ASTN2: variants seen among roughly 807,000 people sequenced by gnomAD.
The protein encoded by ASTN2 is astrotactin 2.
ASTN2 carries 54 observed loss-of-function variants against 139.8 expected under a neutral mutation model. The observed-to-expected ratio is 0.39, with a 90% CI of 0.31 to 0.48. The LOEUF (loss-of-function observed/expected upper bound fraction) is 0.48. Ranked by LOEUF, ASTN2 falls within the 20% of genes least tolerant of loss-of-function variation. ASTN2 has a pLI of 0.95. For missense variants in ASTN2, 1,565 were observed against 1,725.1 expected, an observed-to-expected ratio of 0.91 and a Z score of 1.64; for synonymous variants, 756 against 719.5, an observed-to-expected ratio of 1.05 and a Z score of -0.81.
intron 5 of ASTN2, among the ~76,000 whole-genome samples, chr9:117,079,023 A>G: frequency 6.6e-6 from 1 of 152,186 alleles, no homozygotes; most frequent in African/African-American, 2.4e-5. Flanking sequence ...GGCTTGAGCC[A>G]CTGCACCCGG....
At chr9:116,449,343 C>A (rs1438646466) in intron 20 of ASTN2, among the ~76,000 whole-genome samples, 1 of 152,120 alleles carries the variant, frequency 6.6e-6, no homozygotes, top group East Asian at 1.9e-4. Flanking sequence ...GAGATCAAGG[C>A]TACAGTGAGC....
chr9:117,176,857 T>C (rs1456514241), intron 3 of ASTN2, among the ~76,000 whole-genome samples: 1 of 152,176 alleles, frequency 6.6e-6, no homozygotes, highest in Non-Finnish European at 1.5e-5. Flanking sequence ...CTTGAGCCTA[T>C]GAGTTGCAGT....
chr9:116,897,526 T>G (rs915259531), intron 10 of ASTN2, among the ~76,000 whole-genome samples: 1 of 152,220 alleles, frequency 6.6e-6, no homozygotes, highest in African/African-American at 2.4e-5. Flanking sequence ...AAGATGTACA[T>G]GCACTAAGTG....
intron 4 of ASTN2, among the ~76,000 whole-genome samples, chr9:117,104,348 A>G (rs1006994433): frequency 5.3e-5 from 8 of 152,188 alleles, no homozygotes; most frequent in Non-Finnish European, 1.0e-4. Context: ...AATTATAGAC[A>G]TACAAACCTC....
At chr9:116,804,596 A>G (rs1252093609) in intron 13 of ASTN2, among the ~76,000 whole-genome samples, 1 of 152,180 alleles carries the variant, frequency 6.6e-6, no homozygotes, top group Non-Finnish European at 1.5e-5. Context: ...TATTGTTAGT[A>G]GTTAGTAGTA....
At chr9:116,770,666 T>C (rs563890286) in intron 13 of ASTN2, among the ~76,000 whole-genome samples, 2 of 152,326 alleles carry the variant, frequency 1.3e-5, no homozygotes, top group Admixed American at 1.3e-4. Flanking sequence ...CACCTTCTTA[T>C]GGAAGCTTCT....
At chr9:116,564,953 G>C (rs1444997848) in intron 19 of ASTN2, among the ~76,000 whole-genome samples, 1 of 151,974 alleles carries the variant, frequency 6.6e-6, no homozygotes, top group Non-Finnish European at 1.5e-5. Context: ...ACTCCTCTAA[G>C]CATCATTGTC....
At chr9:116,571,876 C>T (rs1419905647) in intron 19 of ASTN2, among the ~76,000 whole-genome samples, 1 of 151,930 alleles carries the variant, frequency 6.6e-6, no homozygotes, top group African/African-American at 2.4e-5. Context: ...CTTGAATGTC[C>T]CTGTTGGGTG....
chr9:117,377,921 TGG>T (rs1830167589), intron 1 of ASTN2, among the ~76,000 whole-genome samples: 1 of 152,160 alleles, frequency 6.6e-6, no homozygotes, highest in Non-Finnish European at 1.5e-5. Flanking sequence ...TCCATACATG[TGG>T]CTATAATTAA....
At chr9:116,885,621 A>G (rs1459558955) in intron 10 of ASTN2, among the ~76,000 whole-genome samples, 8 of 152,134 alleles carry the variant, frequency 5.3e-5, no homozygotes, top group South Asian at 2.1e-4. Flanking sequence ...GGCCAAGATC[A>G]TGCCACTGCA....
rs56991546 is a variant in ASTN2 at position 116,718,972 on chromosome 9, G to GTGTGTGTGTATATATATATATATA, written c.2806+6798_2806+6799insTATATATATATATATACACACACA. Among the ~76,000 whole-genome samples, 493 of 100,012 alleles carry GTGTGTGTGTATATATATATATATA rather than the reference G, an allele frequency of 4.9e-3. 19 individuals carry two copies. Among genetic ancestry groups the GTGTGTGTGTATATATATATATATA allele is most frequent in the African/African-American group, 0.018 (465 of 26,020 alleles). The allele number at this position is 100,012 out of a possible 152,430, so 65.6% of individuals were successfully genotyped here. On this transcript the variant is annotated intron_variant, in intron 16 of 22. Coordinates refer to ENST00000313400, the MANE Select transcript of ASTN2 (RefSeq NM_001365068.1). ...TATTTACATATCTATACCTGTATCT[G>GTGTGTGTGTATATATATATATATA]TACATATATATATATATATCTGCCT...
intron 19 of ASTN2, chr9:116,612,511 A>G (rs1855598320): frequency 6.6e-6 from 1 of 152,212 alleles, no homozygotes; most frequent in African/African-American, 2.4e-5. Context: ...AGAAATTATA[A>G]CAAACTGTCT....
chr9:117,329,261 GA>G (rs1344015210), intron 1 of ASTN2, among the ~76,000 whole-genome samples: 1 of 126,134 alleles, frequency 7.9e-6, no homozygotes, highest in African/African-American at 3.0e-5. Flanking sequence ...ATTGAAACAA[GA>G]TTTTTTTTGA....
chr9:116,548,389 C>T (rs1416739109), intron 19 of ASTN2, among the ~76,000 whole-genome samples: 1 of 152,232 alleles, frequency 6.6e-6, no homozygotes, highest in Non-Finnish European at 1.5e-5. Flanking sequence ...GTCTCTCTAC[C>T]TTTACTAAAC....
chr9:116,746,680 T>C (rs1189365225), intron 13 of ASTN2, among the ~76,000 whole-genome samples: 1 of 152,226 alleles, frequency 6.6e-6, no homozygotes, highest in Non-Finnish European at 1.5e-5. Flanking sequence ...TCTTTTTCCC[T>C]AGGAGGACTT....
chr9:116,863,338 G>A (rs1588364225), intron 11 of ASTN2, among the ~76,000 whole-genome samples: 1 of 152,350 alleles, frequency 6.6e-6, no homozygotes, highest in East Asian at 1.9e-4. Context: ...AAGACCTATT[G>A]TGTGGTGGGC....
At chr9:116,967,700 A>T (rs981378195) in intron 10 of ASTN2, among the ~76,000 whole-genome samples, 1 of 152,188 alleles carries the variant, frequency 6.6e-6, no homozygotes, top group Non-Finnish European at 1.5e-5. Context: ...TTGAATATTA[A>T]ATGATGTAAG....
intron 10 of ASTN2, among the ~76,000 whole-genome samples, chr9:116,948,785 G>GTTTTTTTTTTTTGTTTGTT (rs1835471789): frequency 2.0e-5 from 1 of 49,472 alleles, no homozygotes; most frequent in Non-Finnish European, 3.4e-5. Context: ...ATAATTTGGT[G>GTTTTTTTTTTTTGTTTGTT]TTTTTTTTTT....
At chr9:116,574,782 A>G (rs1301992097) in intron 19 of ASTN2, among the ~76,000 whole-genome samples, 1 of 152,214 alleles carries the variant, frequency 6.6e-6, no homozygotes, top group African/African-American at 2.4e-5. Context: ...CATCAGATGT[A>G]TCAGGGCAAC....
Sources: gnomAD v4.1 joint callset for allele counts (sites outside exome capture counted in the v4.1 genomes callset) on GRCh38, gnomAD v4.1.1 for gene constraint, MANE v1.5 for transcripts, NCBI Gene and HGNC (gene_info 2026-07-23, HGNC 2026-07-21) for gene names.